LSM1: variants seen among roughly 807,000 people sequenced by gnomAD.
LSM1 encodes U6 snRNA-associated Sm-like protein LSm1.
LSM1 carries 13 observed loss-of-function variants against 18.0 expected under a neutral mutation model. That is an observed-to-expected ratio of 0.72 (90% confidence interval 0.47 to 1.15). The LOEUF is 1.15. Among genes scored for constraint, LSM1 ranks in the 50% most tolerant of loss-of-function variants. The probability of loss-of-function intolerance (pLI) is 0.00; values close to 1 mark genes in which losing one functional copy is unlikely to be tolerated. For missense variants in LSM1, 152 were observed against 157.7 expected (o/e 0.96, Z 0.19); for synonymous variants, 46 against 56.0 (o/e 0.82, Z 0.80).
intron 3 of LSM1, among the ~76,000 whole-genome samples, chr8:38,165,143 G>A (rs1389000807): frequency 3.3e-5 from 5 of 151,698 alleles, no homozygotes; most frequent in Non-Finnish European, 7.4e-5. Context: ...GAGGCCAGGA[G>A]TTCGAGACCA....
chr8:38,169,692 G>A (rs2130643206), intron 3 of LSM1, 110 bp downstream of exon 3: 1 of 632,300 alleles, frequency 1.6e-6, no homozygotes, highest in East Asian at 2.9e-5. Context: ...TTGCCTAGGA[G>A]AAGCCAGATA....
intron 1 of LSM1, chr8:38,176,017 A>G (rs896479852): frequency 2.5e-6 from 1 of 406,638 alleles, no homozygotes; most frequent in Non-Finnish European, 4.4e-6. Context: ...CCACGGAAGC[A>G]AGAATGAGTT....
chr8:38,176,724 C>A, upstream of LSM1: 3 of 1,104,324 alleles, frequency 2.7e-6, no homozygotes, highest in Non-Finnish European at 3.6e-6. Flanking sequence ...CGGGGTTCGG[C>A]AGCAGAAGGG....
chr8:38,172,176 AGC>A (rs200558035), intron 1 of LSM1, 143 bp from the exon 2 acceptor site: 75,015 of 636,724 alleles, frequency 0.12, 5,646 homozygotes, highest in East Asian at 0.28. Flanking sequence ...AACTGAAAAA[AGC>A]AGCACAGCAA....
At chr8:38,175,143 C>T (rs1428810652) in intron 1 of LSM1, among the ~76,000 whole-genome samples, 35 of 140,546 alleles carry the variant, frequency 2.5e-4, no homozygotes, top group Admixed American at 2.3e-3. Flanking sequence ...TGCAATGGTG[C>T]GATCTCGGCT....
rs756974966 is a variant in LSM1, at chr8:38,176,353, G to A, written c.-33C>T. 1 of 1,593,420 alleles carries A rather than the reference G, an allele frequency of 6.3e-7. No homozygotes were observed. Among genetic ancestry groups the A allele is most frequent in the Non-Finnish European group, 8.6e-7 (1 of 1,165,688 alleles). On this transcript the variant is annotated 5_prime_UTR_variant, in exon 1 of 4. Coordinates refer to ENST00000311351, the MANE Select transcript of LSM1 (RefSeq NM_014462.3). ...TGAAATAATGCTGCAATGCACAGCG[G>A]CGGGAGGCCAGCGCGTCCAAAACCT... is the stretch of plus-strand genomic sequence containing the variant.
At chr8:38,173,259 G>C (rs1195597421) in intron 1 of LSM1, among the ~76,000 whole-genome samples, 1 of 151,784 alleles carries the variant, frequency 6.6e-6, no homozygotes, top group Non-Finnish European at 1.5e-5. Flanking sequence ...ACCACAGAAA[G>C]CAAATCTTAA....
intron 3 of LSM1, among the ~76,000 whole-genome samples, chr8:38,168,290 A>G (rs940246913): frequency 5.3e-5 from 8 of 151,228 alleles, no homozygotes; most frequent in African/African-American, 1.2e-4. Flanking sequence ...ACACAAGAAG[A>G]TAACAATTTC....
At chr8:38,168,240 C>G (rs1215919395) in intron 3 of LSM1, among the ~76,000 whole-genome samples, 1 of 150,126 alleles carries the variant, frequency 6.7e-6, no homozygotes, top group African/African-American at 2.4e-5. Flanking sequence ...GGATTACAGG[C>G]GTGAGGCACC....
intron 3 of LSM1, 135 bp from the exon 4 acceptor site, chr8:38,163,975 T>G: frequency 2.7e-6 from 2 of 744,212 alleles, no homozygotes; most frequent in Non-Finnish European, 4.4e-6. Context: ...ATCCTTCTCC[T>G]AGGGACCGGT....
At chr8:38,176,174 G>A in intron 1 of LSM1, 101 bp downstream of exon 1, 3 of 984,860 alleles carry the variant, frequency 3.0e-6, no homozygotes, top group Admixed American at 2.0e-5. Flanking sequence ...GAACACACCG[G>A]CCCCGCCCGG....
chr8:38,173,474 A>T (rs1803065342), intron 1 of LSM1, among the ~76,000 whole-genome samples: 1 of 152,172 alleles, frequency 6.6e-6, no homozygotes, highest in Admixed American at 6.6e-5. Context: ...AAAGAACAGT[A>T]GATAAAGTCA....
At chr8:38,163,931 G>T in intron 3 of LSM1, 91 bp from the exon 4 acceptor site, 1 of 1,156,686 alleles carries the variant, frequency 8.6e-7, no homozygotes, top group Non-Finnish European at 1.3e-6. Flanking sequence ...ATCAGGCTCA[G>T]ATTATTTTTC....
At chr8:38,171,851 C>T in intron 2 of LSM1, 114 bp downstream of exon 2, 2 of 749,056 alleles carry the variant, frequency 2.7e-6, no homozygotes, top group South Asian at 3.1e-5. Flanking sequence ...ATCAGTCCTA[C>T]TAGGTCACAC....
chr8:38,171,022 GA>G, intron 2 of LSM1: 1 of 432,890 alleles, frequency 2.3e-6, no homozygotes, highest in Non-Finnish European at 4.7e-6. Flanking sequence ...CCTTGAAACA[GA>G]AGGAAACATA....
At chr8:38,167,387 G>C (rs1802951943) in intron 3 of LSM1, among the ~76,000 whole-genome samples, 1 of 152,192 alleles carries the variant, frequency 6.6e-6, no homozygotes, top group African/African-American at 2.4e-5. Context: ...TGTTACCCAG[G>C]TTGGAGTGCA....
chr8:38,167,516 T>C (rs900061246), intron 3 of LSM1, among the ~76,000 whole-genome samples: 6 of 152,094 alleles, frequency 3.9e-5, no homozygotes, highest in African/African-American at 1.2e-4. Flanking sequence ...CTAATTTTTG[T>C]ATTTTTTTGT....
At chr8:38,172,142 ATG>A in intron 1 of LSM1, 109 bp from the exon 2 acceptor site, 1 of 759,526 alleles carries the variant, frequency 1.3e-6, no homozygotes. Flanking sequence ...AATGCATTTA[ATG>A]TGAAGTTCAA....
intron 3 of LSM1, among the ~76,000 whole-genome samples, chr8:38,168,889 G>C (rs1490354279): frequency 6.6e-6 from 1 of 152,002 alleles, no homozygotes; most frequent in Non-Finnish European, 1.5e-5. Flanking sequence ...CCCAACCCTA[G>C]CAGAATTATC....
Sources: gnomAD v4.1 joint callset for allele counts (sites outside exome capture counted in the v4.1 genomes callset) on GRCh38, gnomAD v4.1.1 for gene constraint, MANE v1.5 for transcripts, NCBI Gene and HGNC (gene_info 2026-07-23, HGNC 2026-07-21) for gene names.